LTBP1: variants seen among roughly 807,000 people sequenced by gnomAD.
LTBP1 encodes latent transforming growth factor beta binding protein 1.
LTBP1 carries 129 observed loss-of-function variants against 207.6 expected under a neutral mutation model. The ratio of observed to expected loss-of-function variants is 0.62; its 90% CI spans 0.54 to 0.72. The LOEUF is 0.72. LTBP1 is among the 30% of genes least tolerant of loss of function. The pLI, the probability that LTBP1 is intolerant of heterozygous loss-of-function variation, is 0.00. For synonymous variants in LTBP1, 963 were observed against 833.7 expected (o/e 1.16, Z -2.67); for missense variants, 2,281 against 2,217.2 (o/e 1.03, Z -0.58).
chr2:33,184,788 T>G (rs1348385965), intron 5 of LTBP1, among the ~76,000 whole-genome samples: 1 of 152,034 alleles, frequency 6.6e-6, no homozygotes, highest in Non-Finnish European at 1.5e-5. Flanking sequence ...TCTGTTTTTT[T>G]TTTTTTTTTT....
rs116383208 is a variant in LTBP1, at chr2:33,222,171, T to C, written c.1876+20T>C. 5.0e-3 allele frequency: 7,877 copies of C among 1,561,938 alleles called. 364 individuals carry two copies. In the African/African-American group the frequency reaches 0.093, roughly 18 times the overall value. ...GCCAAGGTAAGACTAACTGAATTCA[T>C]TGATGTGGACTCAACAGTTGTTTTG... On this transcript the variant is annotated intron_variant, in intron 9 of 33. Coordinates refer to ENST00000404816, the MANE Select transcript of LTBP1 (RefSeq NM_206943.4).
At chr2:33,084,136 C>A (rs1241056783) in intron 3 of LTBP1, among the ~76,000 whole-genome samples, 4 of 152,166 alleles carry the variant, frequency 2.6e-5, no homozygotes, top group Non-Finnish European at 5.9e-5. Flanking sequence ...AAGAAAATAG[C>A]AGACAAAGAA....
chr2:33,073,642 T>G (rs994312320), intron 3 of LTBP1, among the ~76,000 whole-genome samples: 2 of 152,180 alleles, frequency 1.3e-5, no homozygotes, highest in Non-Finnish European at 1.5e-5. Context: ...TTTCTTTTTT[T>G]TTTGGACAGA....
chr2:33,124,693 G>A (rs1412663045), intron 4 of LTBP1, among the ~76,000 whole-genome samples: 1 of 152,240 alleles, frequency 6.6e-6, no homozygotes, highest in Non-Finnish European at 1.5e-5. Flanking sequence ...GTCACTACTG[G>A]TTTGAGCTTT....
intron 4 of LTBP1, among the ~76,000 whole-genome samples, chr2:33,129,695 GA>G: frequency 6.6e-6 from 1 of 152,188 alleles, no homozygotes; most frequent in Non-Finnish European, 1.5e-5. Flanking sequence ...ATTTTTAGGG[GA>G]AAAATGTCTT....
intron 16 of LTBP1, among the ~76,000 whole-genome samples, chr2:33,274,692 C>A (rs993160134): frequency 1.2e-4 from 19 of 152,176 alleles, no homozygotes; most frequent in African/African-American, 4.3e-4. Context: ...TCAGGAGAAT[C>A]CTTCTGTGTT....
chr2:33,311,317 A>T (rs1225504959), intron 23 of LTBP1, among the ~76,000 whole-genome samples: 1 of 152,216 alleles, frequency 6.6e-6, no homozygotes, highest in African/African-American at 2.4e-5. Flanking sequence ...CAAGATTTAA[A>T]TATACCATGT....
intron 3 of LTBP1, among the ~76,000 whole-genome samples, chr2:33,031,310 C>G (rs772266438): frequency 2.0e-5 from 3 of 152,180 alleles, no homozygotes; most frequent in Non-Finnish European, 4.4e-5. Flanking sequence ...CTGTGCATTT[C>G]TAACTGGTTG....
chr2:33,347,268 C>A, intron 25 of LTBP1, 99 bp from the exon 26 acceptor site: 1 of 1,418,484 alleles, frequency 7.0e-7, no homozygotes, highest in Non-Finnish European at 9.8e-7. Flanking sequence ...GGATCGCCTT[C>A]TTTTCAGCAA....
At chr2:33,300,855 C>G (rs1210625027) in intron 21 of LTBP1, among the ~76,000 whole-genome samples, 1 of 152,134 alleles carries the variant, frequency 6.6e-6, no homozygotes, top group African/African-American at 2.4e-5. Context: ...AAGGTAATTT[C>G]CATTTAAACA....
intron 15 of LTBP1, among the ~76,000 whole-genome samples, chr2:33,268,804 T>G (rs1212870228): frequency 6.6e-6 from 1 of 152,250 alleles, no homozygotes; most frequent in Admixed American, 6.5e-5. Context: ...TGAGTTAACA[T>G]TTGATGCCTT....
chr2:33,017,344 TTG>T (rs968699392), intron 2 of LTBP1, among the ~76,000 whole-genome samples: 4 of 152,326 alleles, frequency 2.6e-5, no homozygotes, highest in South Asian at 4.1e-4. Context: ...TTTCCAGATG[TTG>T]TGTGTCAGTG....
rs373755291 is a variant in LTBP1, at chr2:33,273,766, C to T, written c.2728C>T (p.Gln910Ter). 2 of 1,605,454 alleles carry T rather than the reference C, an allele frequency of 1.2e-6. No homozygotes were observed. Among genetic ancestry groups the T allele is most frequent in the South Asian group, 1.1e-5 (1 of 88,844 alleles). ...CGAGGGCTACAGGTTCAGTGAACAACAGAGGAAATGTGTGGGTAAGAGACA... is the reference window on the plus strand; with the variant it reads ...CGAGGGCTACAGGTTCAGTGAACAATAGAGGAAATGTGTGGGTAAGAGACA... ...CYEGYRFSEQ[Q>*]RKCVDIDECT... The change falls in exon 16 of 34, where the codon CAG becomes TAG. Residue 910 changes from glutamine to a stop codon, truncating the protein, a stop_gained. Coordinates refer to ENST00000404816, the MANE Select transcript of LTBP1 (RefSeq NM_206943.4). LOFTEE classifies it high-confidence loss of function.
chr2:33,207,921 GT>G (rs1195145932), intron 7 of LTBP1, among the ~76,000 whole-genome samples: 1 of 152,176 alleles, frequency 6.6e-6, no homozygotes, highest in Non-Finnish European at 1.5e-5. Flanking sequence ...GTGGAGATGT[GT>G]TTATATCATA....
At chr2:33,326,366 C>G (rs534724027) in intron 24 of LTBP1, among the ~76,000 whole-genome samples, 143 of 152,248 alleles carry the variant, frequency 9.4e-4, no homozygotes, top group African/African-American at 3.2e-3. Context: ...AGATACAAAA[C>G]CTGAGCTTTG....
chr2:32,948,053 G>A (rs1676524786), intron 1 of LTBP1, among the ~76,000 whole-genome samples: 1 of 152,194 alleles, frequency 6.6e-6, no homozygotes, highest in Non-Finnish European at 1.5e-5. Flanking sequence ...CGAGCTGCGG[G>A]TAAACACAAA....
At chr2:33,283,863 T>C (rs2093613054) in intron 19 of LTBP1, among the ~76,000 whole-genome samples, 1 of 152,212 alleles carries the variant, frequency 6.6e-6, no homozygotes, top group African/African-American at 2.4e-5. Flanking sequence ...TGTTAGTGTC[T>C]TTTTTTCTAA....
chr2:32,998,674 C>G (rs539910164), intron 2 of LTBP1, among the ~76,000 whole-genome samples: 1 of 152,034 alleles, frequency 6.6e-6, no homozygotes, highest in African/African-American at 2.4e-5. Flanking sequence ...AGATAATTCA[C>G]GTTAGGTGAG....
At chr2:33,397,047 A>C in intron 32 of LTBP1, 86 bp from the exon 33 acceptor site, 2 of 1,291,942 alleles carry the variant, frequency 1.5e-6, no homozygotes, top group South Asian at 2.8e-5. Flanking sequence ...GTCTATTTGG[A>C]AAATGAACCA....
Sources: allele counts gnomAD v4.1 joint callset (sites outside exome capture counted in the v4.1 genomes callset), GRCh38; gene constraint gnomAD v4.1.1; transcripts MANE v1.5; gene names NCBI Gene and HGNC (gene_info 2026-07-23, HGNC 2026-07-21).